Variants in NHSL1 observed in about 807,000 individuals in gnomAD.
The protein encoded by NHSL1 is NHS-like protein 1.
A neutral mutation model predicts 95.0 loss-of-function variants in NHSL1; 48 were observed. The ratio of observed to expected loss-of-function variants is 0.51; its 90% CI spans 0.40 to 0.64. The LOEUF (loss-of-function observed/expected upper bound fraction) is 0.64. Ranked by LOEUF, NHSL1 falls within the 30% of genes least tolerant of loss-of-function variation. The pLI is 0.00. For missense variants in NHSL1, 1,971 were observed against 2,077.7 expected (o/e 0.95, Z 1.00); for synonymous variants, 783 against 833.9 (o/e 0.94, Z 1.05).
upstream of NHSL1, among the ~76,000 whole-genome samples, chr6:138,573,715 C>T (rs7764287): frequency 0.16 from 24,861 of 152,040 alleles, 4,434 homozygotes; most frequent in African/African-American, 0.45. Context: ...CTTGAGATCA[C>T]GTAGTTTAAA....
chr6:138,455,027 G>A (rs751711775), intron 3 of NHSL1, among the ~76,000 whole-genome samples: 2 of 152,210 alleles, frequency 1.3e-5, no homozygotes, highest in Non-Finnish European at 2.9e-5. Context: ...AGAGAAACTG[G>A]AATGGGTCAT....
At chr6:138,527,233 T>C (rs754737956) in intron 1 of NHSL1, among the ~76,000 whole-genome samples, 3 of 151,612 alleles carry the variant, frequency 2.0e-5, no homozygotes, top group Non-Finnish European at 2.9e-5. Context: ...GGTTACATAT[T>C]TGGGAAACTA....
At position 138,650,227 on chromosome 6, in the gene NHSL1, G is replaced by T. The variant is rs934357194; in HGVS notation, c.96+42249C>A. 27 of 629,752 alleles carry T rather than the reference G, an allele frequency of 4.3e-5. 1 individual carries two copies. In the Admixed American group the frequency reaches 5.2e-4, roughly 12 times the overall value. 39.0% of individuals were successfully genotyped at this position (629,752 alleles called of 1,614,324 possible). A position where few individuals can be genotyped will look rare whatever the true frequency, so the allele number is the denominator to read the frequency against. ...TTTTTAGATGATTCAGGTTACTCCAGGGTGAAAGATGATCCTGATGACACC... is the reference window on the plus strand; with the variant it reads ...TTTTTAGATGATTCAGGTTACTCCATGGTGAAAGATGATCCTGATGACACC... On this transcript the variant is annotated intron_variant, in intron 1 of 3. Coordinates refer to the NHSL1 transcript ENST00000491526.
intron 1 of NHSL1, among the ~76,000 whole-genome samples, chr6:138,646,453 C>T (rs1785021662): frequency 6.6e-6 from 1 of 151,866 alleles, no homozygotes. Context: ...CTGCAGATTG[C>T]ACCACAGCAC....
Position 138,668,035 on chromosome 6 carries a change from G to A in NHSL1, c.96+24441C>T, listed in dbSNP as rs555611352. 6.6e-5 allele frequency among the ~76,000 whole-genome samples: 10 copies of A among 152,066 alleles called. No homozygotes were observed. In the East Asian group the frequency reaches 1.9e-3, roughly 29 times the overall value. On this transcript the variant is annotated intron_variant, in intron 1 of 3. Transcript: ENST00000491526. Reference sequence around the variant, plus strand: ...GTTTTTGACTGTGTGGTACACTTAGGACCACTCAGAAAGAATTCATTTTAG... The same window carrying A: ...GTTTTTGACTGTGTGGTACACTTAGAACCACTCAGAAAGAATTCATTTTAG...
At chr6:138,618,686 CCTT>C (rs957762956) in intron 1 of NHSL1, among the ~76,000 whole-genome samples, 5 of 151,928 alleles carry the variant, frequency 3.3e-5, no homozygotes, top group African/African-American at 9.7e-5. Flanking sequence ...GAATATTTTC[CCTT>C]CTTCTTTCTT....
intron 1 of NHSL1, among the ~76,000 whole-genome samples, chr6:138,660,463 A>C (rs909894189): frequency 2.0e-5 from 3 of 152,076 alleles, no homozygotes; most frequent in Non-Finnish European, 4.4e-5. Context: ...AAGACACAGA[A>C]AGCAATATTT....
At chr6:138,484,064 A>G (rs1309212384) in intron 2 of NHSL1, among the ~76,000 whole-genome samples, 1 of 152,214 alleles carries the variant, frequency 6.6e-6, no homozygotes, top group Non-Finnish European at 1.5e-5. Context: ...AGTAGGTGGA[A>G]CAGAATGAAT....
chr6:138,628,311 CAAAA>C (rs929458331), intron 1 of NHSL1, among the ~76,000 whole-genome samples: 1 of 111,540 alleles, frequency 9.0e-6, no homozygotes, highest in African/African-American at 3.4e-5. Context: ...AACTCCATCT[CAAAA>C]AAAAAAAAAG....
intron 1 of NHSL1, among the ~76,000 whole-genome samples, chr6:138,583,176 T>C (rs1784086219): frequency 6.6e-6 from 1 of 152,146 alleles, no homozygotes; most frequent in Non-Finnish European, 1.5e-5. Context: ...CTTCCCCTCC[T>C]AGGACTAGCA....
chr6:138,578,611 G>A (rs1784005302), intron 1 of NHSL1, among the ~76,000 whole-genome samples: 1 of 152,108 alleles, frequency 6.6e-6, no homozygotes, highest in African/African-American at 2.4e-5. Context: ...TAAAAATCAT[G>A]ACTTCCTTTG....
At chr6:138,600,618 A>T (rs991675083) in intron 1 of NHSL1, among the ~76,000 whole-genome samples, 34 of 152,360 alleles carry the variant, frequency 2.2e-4, no homozygotes, top group African/African-American at 7.7e-4. Flanking sequence ...TTTGTTTTTC[A>T]TGAAATTACT....
intron 1 of NHSL1, among the ~76,000 whole-genome samples, chr6:138,689,276 G>T (rs1785627719): frequency 6.6e-6 from 1 of 152,198 alleles, no homozygotes; most frequent in Non-Finnish European, 1.5e-5. Flanking sequence ...AGTCCCCTTG[G>T]TAAATGTGGT....
chr6:138,437,367 T>TATATACACAC (rs1776213387), intron 5 of NHSL1, among the ~76,000 whole-genome samples: 1 of 105,430 alleles, frequency 9.5e-6, no homozygotes, highest in Non-Finnish European at 1.8e-5. Context: ...CACATATATA[T>TATATACACAC]ATATACACAT....
At chr6:138,690,010 T>C (rs73570715) in intron 1 of NHSL1, among the ~76,000 whole-genome samples, 3 of 152,262 alleles carry the variant, frequency 2.0e-5, no homozygotes, top group Non-Finnish European at 4.4e-5. Context: ...ATCAGAAGGT[T>C]TGGGCTTCAG....
chr6:138,586,033 C>A (rs940479572), intron 1 of NHSL1, among the ~76,000 whole-genome samples: 6 of 151,540 alleles, frequency 4.0e-5, no homozygotes, highest in Admixed American at 3.9e-4. Flanking sequence ...GCCTGGGCAA[C>A]AGAGCAAGAC....
At chr6:138,575,594 T>C (rs1443580221), upstream of NHSL1, among the ~76,000 whole-genome samples, 1 of 152,222 alleles carries the variant, frequency 6.6e-6, no homozygotes, top group Non-Finnish European at 1.5e-5. Flanking sequence ...TAAATCTTCA[T>C]TTATCTAAGA....
At chr6:138,648,367 A>AC (rs374894806) in intron 1 of NHSL1, among the ~76,000 whole-genome samples, 8,302 of 151,014 alleles carry the variant, frequency 0.055, 245 homozygotes, top group South Asian at 0.074. Flanking sequence ...AAAAAAAAAA[A>AC]CAATGGATTG....
intron 3 of NHSL1, among the ~76,000 whole-genome samples, chr6:138,456,208 G>A (rs1165243657): frequency 6.6e-6 from 1 of 152,152 alleles, no homozygotes; most frequent in Admixed American, 6.6e-5. Flanking sequence ...AAGCAAACCG[G>A]AACATGTGGT....
Sources: allele counts gnomAD v4.1 joint callset (sites outside exome capture counted in the v4.1 genomes callset), GRCh38; gene constraint gnomAD v4.1.1; transcripts MANE v1.5; gene names NCBI Gene and HGNC (gene_info 2026-07-23, HGNC 2026-07-21).